The following ENAH variants were observed in gnomAD, a reference collection of about 807,000 sequenced individuals.
The protein encoded by ENAH is ENAH actin regulator.
A neutral mutation model predicts 78.7 loss-of-function variants in ENAH; 23 were observed. That is an observed-to-expected ratio of 0.29 (90% CI 0.21 to 0.41). The LOEUF (loss-of-function observed/expected upper bound fraction) is 0.41, where lower values mean the gene tolerates loss of function less well. Ranked by LOEUF, ENAH falls within the 10% of genes least tolerant of loss-of-function variation. The pLI is 1.00. For missense variants in ENAH, 544 were observed against 691.0 expected, an observed-to-expected ratio of 0.79 and a Z score of 2.39; for synonymous variants, 226 against 241.0, an observed-to-expected ratio of 0.94 and a Z score of 0.58.
chr1:225,512,763 T>C (rs1157623093), intron 8 of ENAH, 49 bp from the exon 9 acceptor site: 1 of 1,609,558 alleles, frequency 6.2e-7, no homozygotes, highest in East Asian at 2.2e-5. Flanking sequence ...TGATTCAGTA[T>C]AAAAACCACT....
rs2096240652 is a variant in ENAH at position 225,494,558 on chromosome 1, T to C, written c.*3217A>G. 1 of 152,106 alleles carries C rather than the reference T, an allele frequency of 6.6e-6. No individual in the cohort carries two copies. The highest frequency in any genetic ancestry group is 1.5e-5 in the Non-Finnish European group (1 of 67,992). 9.4% of individuals were successfully genotyped at this position (152,106 alleles called of 1,614,324 possible). A position where few individuals can be genotyped will look rare whatever the true frequency, so the allele number is the denominator to read the frequency against. On this transcript the variant is annotated 3_prime_UTR_variant, in exon 14 of 14. Coordinates refer to ENST00000366843, the MANE Select transcript of ENAH (RefSeq NM_018212.6). ...ATAAGAGGAAGTTACTGTGTCAAGGTGGGCAGAGAGAAAATAAGAAGAGGG... is the reference window on the plus strand; with the variant it reads ...ATAAGAGGAAGTTACTGTGTCAAGGCGGGCAGAGAGAAAATAAGAAGAGGG...
At chr1:225,591,229 G>A (rs1192648472) in intron 1 of ENAH, among the ~76,000 whole-genome samples, 1 of 152,218 alleles carries the variant, frequency 6.6e-6, no homozygotes, top group Non-Finnish European at 1.5e-5. Context: ...AGCCCTTTGG[G>A]AGGCCAAGGC....
At chr1:225,575,453 T>G (rs1348165514) in intron 1 of ENAH, among the ~76,000 whole-genome samples, 1 of 152,214 alleles carries the variant, frequency 6.6e-6, no homozygotes, top group African/African-American at 2.4e-5. Flanking sequence ...CCACTATAAT[T>G]GGGCCTCTGT....
chr1:225,539,161 T>G (rs1183874095), intron 3 of ENAH, among the ~76,000 whole-genome samples: 1 of 152,166 alleles, frequency 6.6e-6, no homozygotes, highest in East Asian at 1.9e-4. Flanking sequence ...TTTCTTTTAC[T>G]CCTATTTAAC....
chr1:225,643,126 A>C (rs1349183188), intron 1 of ENAH, among the ~76,000 whole-genome samples: 1 of 152,228 alleles, frequency 6.6e-6, no homozygotes, highest in African/African-American at 2.4e-5. Flanking sequence ...GCAAGACCTT[A>C]ATAATTTTGG....
chr1:225,595,610 G>C (rs946036012), intron 1 of ENAH, among the ~76,000 whole-genome samples: 2 of 152,136 alleles, frequency 1.3e-5, no homozygotes, highest in East Asian at 1.9e-4. Flanking sequence ...CATGTGTTAG[G>C]ATCTCTTCAT....
intron 1 of ENAH, among the ~76,000 whole-genome samples, chr1:225,623,711 G>A (rs368796082): frequency 1.1e-4 from 17 of 151,510 alleles, no homozygotes; most frequent in East Asian, 5.8e-4. Flanking sequence ...TCAGCCTCCT[G>A]AGTAGCTGGG....
At chr1:225,607,476 A>T (rs184125088) in intron 1 of ENAH, among the ~76,000 whole-genome samples, 1 of 151,460 alleles carries the variant, frequency 6.6e-6, no homozygotes, top group Non-Finnish European at 1.5e-5. Flanking sequence ...CCAAGAATAA[A>T]GCCTAGAAAA....
At position 225,497,740 on chromosome 1, in the gene ENAH, C is replaced by G; in HGVS notation, c.*35G>C. The stretch of plus-strand genomic sequence containing the variant: ...TGTTGTTTGTAGGATATTTTTCCTC[C>G]AGATTAAAGTCCTATCTCTCCTTAG... On this transcript the variant is annotated 3_prime_UTR_variant, in exon 14 of 14. Coordinates refer to ENST00000366843, the MANE Select transcript of ENAH (RefSeq NM_018212.6). 1.9e-6 allele frequency: 3 copies of G among 1,601,116 alleles called. No homozygotes were observed. Among genetic ancestry groups the G allele is most frequent in the Non-Finnish European group, 2.6e-6 (3 of 1,171,526 alleles).
chr1:225,508,090 T>C, intron 10 of ENAH, 73 bp from the exon 11 acceptor site: 2 of 966,370 alleles, frequency 2.1e-6, no homozygotes. Flanking sequence ...AATAACAAAA[T>C]ACTAAATCTC....
chr1:225,550,899 A>C (rs1214314197), intron 3 of ENAH, among the ~76,000 whole-genome samples: 1 of 152,138 alleles, frequency 6.6e-6, no homozygotes, highest in African/African-American at 2.4e-5. Context: ...TTTTGGATTT[A>C]AAAATTATTT....
intron 3 of ENAH, among the ~76,000 whole-genome samples, chr1:225,535,736 T>C (rs2096558591): frequency 6.6e-6 from 1 of 152,170 alleles, no homozygotes; most frequent in African/African-American, 2.4e-5. Context: ...CTCTTTAACA[T>C]AGGCTCTTAA....
At position 225,652,989 on chromosome 1, in the gene ENAH, G is replaced by T. The variant is rs948004919; in HGVS notation, c.-299C>A. 2.8e-4 allele frequency: 85 copies of T among 304,252 alleles called. 1 individual carries two copies. In the East Asian group the frequency reaches 3.3e-3, roughly 12 times the overall value. 18.8% of individuals were successfully genotyped at this position (304,252 alleles called of 1,614,324 possible). On this transcript the variant is annotated 5_prime_UTR_variant, in exon 1 of 14. Coordinates refer to ENST00000366843, the MANE Select transcript of ENAH (RefSeq NM_018212.6). Reference sequence around the variant, plus strand: ...CCTCGTGGTCCTGCTCCTCCTCCCGGAGCTTCCTCGGCCGCCCTCTGAGGG... The same window carrying T: ...CCTCGTGGTCCTGCTCCTCCTCCCGTAGCTTCCTCGGCCGCCCTCTGAGGG...
chr1:225,494,964 ACATT>A lies in ENAH; in HGVS notation c.*2807_*2810del, dbSNP rs1558692916. The A allele has an allele frequency of 6.6e-6, 1 of 152,660 alleles. No homozygotes were observed. The highest frequency in any genetic ancestry group is 2.1e-4 in the South Asian group (1 of 4,836). 9.5% of individuals were successfully genotyped at this position (152,660 alleles called of 1,614,324 possible). A position where few individuals can be genotyped will look rare whatever the true frequency, so the allele number is the denominator to read the frequency against. ...GTACACCTAAAAGCATGAGAATTCAACATTCATTAGTGTTTCATCTTCAGTTTTG... is the reference window on the plus strand; with the variant it reads ...GTACACCTAAAAGCATGAGAATTCAACATTAGTGTTTCATCTTCAGTTTTG... On this transcript the variant is annotated 3_prime_UTR_variant, in exon 14 of 14. Transcript: ENST00000366843.
intron 4 of ENAH, among the ~76,000 whole-genome samples, chr1:225,522,041 C>T (rs1316422534): frequency 6.6e-6 from 1 of 152,096 alleles, no homozygotes; most frequent in Non-Finnish European, 1.5e-5. Context: ...ATGATCCACC[C>T]GCCTTGGCCT....
At position 225,519,213 on chromosome 1, in the gene ENAH, T is replaced by A; in HGVS notation, c.787A>T (p.Arg263Ter). ...AACTTCTTACCAGCACTTGATATTCTGCGCTCTCTCTCCCATTCCAGCTGT... is the reference window on the plus strand; with the variant it reads ...AACTTCTTACCAGCACTTGATATTCAGCGCTCTCTCTCCCATTCCAGCTGT... ...REQLEWERER[R>*]ISSAAAPASV... Residue 263 changes from arginine to a stop codon, truncating the protein, a stop_gained, in exon 5 of 14, where the codon AGA becomes TGA. Coordinates refer to ENST00000366843, the MANE Select transcript of ENAH (RefSeq NM_018212.6). LOFTEE classifies it high-confidence loss of function. 1 of 1,614,136 alleles carries A rather than the reference T, an allele frequency of 6.2e-7. No individual in the cohort carries two copies. The highest frequency in any genetic ancestry group is 8.5e-7 in the Non-Finnish European group (1 of 1,179,962).
At chr1:225,592,435 A>G (rs2096881567) in intron 1 of ENAH, among the ~76,000 whole-genome samples, 1 of 152,138 alleles carries the variant, frequency 6.6e-6, no homozygotes, top group Admixed American at 6.5e-5. Flanking sequence ...TTCCCTGGAT[A>G]CTCATTTTAT....
chr1:225,511,942 A>G (rs949937223), intron 9 of ENAH, 83 bp from the exon 10 acceptor site: 7 of 849,970 alleles, frequency 8.2e-6, no homozygotes, highest in Non-Finnish European at 1.3e-5. Flanking sequence ...GAACACTTCT[A>G]ATATTCTTTC....
intron 1 of ENAH, among the ~76,000 whole-genome samples, chr1:225,598,592 TAAG>T (rs1359632320): frequency 6.6e-6 from 1 of 151,500 alleles, no homozygotes; most frequent in African/African-American, 2.4e-5. Context: ...GGCAAATGGC[TAAG>T]AATACACACA....
Sources: gnomAD v4.1 joint callset for allele counts (sites outside exome capture counted in the v4.1 genomes callset) on GRCh38, gnomAD v4.1.1 for gene constraint, MANE v1.5 for transcripts, NCBI Gene and HGNC (gene_info 2026-07-23, HGNC 2026-07-21) for gene names.